ANKRD10: variants seen among roughly 807,000 people sequenced by gnomAD.
ANKRD10 encodes ankyrin repeat domain-containing protein 10.
A neutral mutation model predicts 27.0 loss-of-function variants in ANKRD10; 14 were observed. The ratio of observed to expected loss-of-function variants is 0.52; its 90% CI spans 0.34 to 0.81. ANKRD10 has a LOEUF of 0.81. Among genes scored for constraint, ANKRD10 ranks in the 40% least tolerant of loss-of-function variants. ANKRD10 has a pLI of 0.01. For missense variants in ANKRD10, 493 were observed against 544.0 expected (o/e 0.91, Z 0.93); for synonymous variants, 250 against 224.5 (o/e 1.11, Z -1.01).
chr13:110,910,629 T>C lies in ANKRD10; in HGVS notation c.352A>G (p.Ile118Val), dbSNP rs2065669388. 6.2e-7 allele frequency: 1 copy of C among 1,613,918 alleles called. No homozygotes were observed. ...ACCAGCACTCTTACCGGTTTGTTAA[T>C]GTTGGCTCCTGCTTGAATCAGCCAG... Reference protein sequence around the residue: ...LVWLIQAGANINKPDCEGETP... With the variant: ...LVWLIQAGANVNKPDCEGETP... The change falls in exon 2 of 6, where the codon ATT (isoleucine) becomes GTT (valine). Residue 118 changes from isoleucine to valine, a missense_variant. Ile to Val is a conservative substitution (Grantham distance 29). Coordinates refer to ENST00000267339, the MANE Select transcript of ANKRD10 (RefSeq NM_017664.4).
intron 1 of ANKRD10, among the ~76,000 whole-genome samples, chr13:110,912,028 G>A (rs148885754): frequency 4.6e-4 from 70 of 152,364 alleles, no homozygotes; most frequent in Admixed American, 3.3e-3. Context: ...AACATGGCAA[G>A]TTAAGACTTT....
At chr13:110,911,166 T>A (rs1594642610) in intron 1 of ANKRD10, among the ~76,000 whole-genome samples, 1 of 152,186 alleles carries the variant, frequency 6.6e-6, no homozygotes, top group African/African-American at 2.4e-5. Flanking sequence ...AAACTTTGTG[T>A]AGGCCGGGCG....
intron 1 of ANKRD10, among the ~76,000 whole-genome samples, chr13:110,912,319 G>A (rs1415734377): frequency 2.0e-5 from 3 of 152,170 alleles, no homozygotes; most frequent in Admixed American, 6.5e-5. Flanking sequence ...AGCACTTTCA[G>A]GCTTTCAGTA....
chr13:110,894,403 CAAAAAAAA>C (rs5806877), intron 3 of ANKRD10: 8 of 62,718 alleles, frequency 1.3e-4, no homozygotes, highest in Admixed American at 2.3e-4. Flanking sequence ...ACTGTTAATG[CAAAAAAAA>C]AAAAAAAAAA....
At chr13:110,890,784 T>TA (rs1366087492) in intron 4 of ANKRD10, among the ~76,000 whole-genome samples, 1 of 143,088 alleles carries the variant, frequency 7.0e-6, no homozygotes, top group Non-Finnish European at 1.5e-5. Flanking sequence ...CAGGAATGTA[T>TA]AGTTTGGGAA....
At chr13:110,898,747 T>C (rs2065297951) in intron 3 of ANKRD10, among the ~76,000 whole-genome samples, 1 of 113,318 alleles carries the variant, frequency 8.8e-6, no homozygotes, top group Non-Finnish European at 1.9e-5. Flanking sequence ...TAGTTTTTCT[T>C]TTCTTTTTTT....
intron 4 of ANKRD10, 97 bp from the exon 5 acceptor site, chr13:110,883,890 C>A: frequency 4.9e-3 from 4,340 of 884,312 alleles, no homozygotes; most frequent in Non-Finnish European, 5.9e-3. Context: ...GCACTGAACA[C>A]TTTAAACAAT....
At chr13:110,880,176 T>A (rs578244106) in intron 5 of ANKRD10, 64 bp from the exon 6 acceptor site, 837 of 1,316,876 alleles carry the variant, frequency 6.4e-4, no homozygotes, top group Non-Finnish European at 8.4e-4. Flanking sequence ...AACTATAAAA[T>A]GCTTCACTGC....
At chr13:110,903,240 C>T (rs1321097206) in intron 3 of ANKRD10, among the ~76,000 whole-genome samples, 2 of 152,180 alleles carry the variant, frequency 1.3e-5, no homozygotes, top group East Asian at 3.9e-4. Flanking sequence ...GTGACAACTT[C>T]ACGTGCTTGC....
intron 2 of ANKRD10, among the ~76,000 whole-genome samples, chr13:110,908,087 G>A (rs1436399473): frequency 3.3e-5 from 5 of 151,012 alleles, no homozygotes; most frequent in Non-Finnish European, 7.4e-5. Flanking sequence ...TAAAGAGCCA[G>A]GTGAAGGTGC....
At chr13:110,914,670 C>T (rs1186499586) in intron 1 of ANKRD10, 55 bp downstream of exon 1, 2 of 1,514,774 alleles carry the variant, frequency 1.3e-6, no homozygotes, top group Admixed American at 2.0e-5. Context: ...ACCCGCTTTC[C>T]CCGACTCCCA....
chr13:110,904,698 A>G (rs1423876707), intron 3 of ANKRD10, among the ~76,000 whole-genome samples: 3 of 152,388 alleles, frequency 2.0e-5, no homozygotes, highest in Non-Finnish European at 2.9e-5. Flanking sequence ...AATCATCTCA[A>G]TGTTCTACTA....
intron 5 of ANKRD10, 196 bp downstream of exon 5, chr13:110,883,502 A>G (rs2138820695): frequency 7.5e-7 from 1 of 1,328,596 alleles, no homozygotes; most frequent in Non-Finnish European, 9.6e-7. Context: ...ACACTGGACA[A>G]CAAAGTGCAA....
intron 1 of ANKRD10, chr13:110,914,438 T>C (rs1490820374): frequency 7.6e-6 from 2 of 262,970 alleles, no homozygotes; most frequent in Admixed American, 1.1e-4. Flanking sequence ...GGAGCCCGCC[T>C]TGTTAGAAAC....
chr13:110,904,905 A>C (rs1233889371), intron 3 of ANKRD10: 1 of 152,194 alleles, frequency 6.6e-6, no homozygotes, highest in African/African-American at 2.4e-5. Context: ...CTATTCACAG[A>C]TGATTGACAG....
intron 3 of ANKRD10, among the ~76,000 whole-genome samples, chr13:110,903,876 TAAAAA>T (rs998460118): frequency 1.3e-5 from 2 of 151,904 alleles, no homozygotes; most frequent in Admixed American, 6.6e-5. Context: ...TTGAACGTCT[TAAAAA>T]AAAGAAACGG....
intron 3 of ANKRD10, among the ~76,000 whole-genome samples, chr13:110,901,377 C>A (rs2065375636): frequency 6.6e-6 from 1 of 152,068 alleles, no homozygotes; most frequent in South Asian, 2.1e-4. Flanking sequence ...GCAATTGAAC[C>A]AAAATTATGT....
chr13:110,883,728 G>T lies in ANKRD10; in HGVS notation c.757C>A (p.His253Asn). ...GDTEDDADKM[H>N]VDREFAVVTD... ...ACAACAGCAAACTCCCTATCAACGT[G>T]CATTTTGTCAGCATCGTCTTCTGTG... The change falls in exon 5 of 6, where the codon CAC becomes AAC. Residue 253 changes from histidine (H) to asparagine (N), a missense_variant. Transcript: ENST00000267339. 6.2e-7 allele frequency: 1 copy of T among 1,614,126 alleles called. No homozygotes were observed. Among genetic ancestry groups the T allele is most frequent in the Non-Finnish European group, 8.5e-7 (1 of 1,180,010 alleles).
At chr13:110,908,312 C>A (rs558251845) in intron 2 of ANKRD10, among the ~76,000 whole-genome samples, 1 of 152,154 alleles carries the variant, frequency 6.6e-6, no homozygotes, top group Admixed American at 6.5e-5. Flanking sequence ...TTGCTAATTA[C>A]GCACCAAGGC....
Sources: allele counts gnomAD v4.1 joint callset (sites outside exome capture counted in the v4.1 genomes callset), GRCh38; gene constraint gnomAD v4.1.1; transcripts MANE v1.5; gene names NCBI Gene and HGNC (gene_info 2026-07-23, HGNC 2026-07-21).